MSANTD7: variants seen among roughly 807,000 people sequenced by gnomAD.
MSANTD7 encodes zinc finger and SCAN domain containing 29.
chr10:14,840,479 G>A, the MSANTD7 span, among the ~76,000 whole-genome samples: 1 of 152,142 alleles, frequency 6.6e-6, no homozygotes, highest in Admixed American at 6.5e-5. Context: ...GGAATTTGAA[G>A]ACTTATTGAC....
the MSANTD7 span, chr10:14,846,668 C>T: frequency 1.1e-6 from 1 of 941,998 alleles, no homozygotes; most frequent in Non-Finnish European, 1.3e-6. Flanking sequence ...ACCTACCTCA[C>T]AGGGGTGTTG....
the MSANTD7 span, chr10:14,841,379 A>G: frequency 1.3e-5 from 2 of 152,226 alleles, no homozygotes; most frequent in African/African-American, 4.8e-5. Flanking sequence ...AGCCAACAAT[A>G]TGATTTTTTT....
chr10:14,843,048 GA>G, the MSANTD7 span, among the ~76,000 whole-genome samples: 1 of 152,180 alleles, frequency 6.6e-6, no homozygotes, highest in African/African-American at 2.4e-5. Flanking sequence ...TAAGGTATTA[GA>G]ACCCTTTAAA....
the MSANTD7 span, chr10:14,839,999 C>G: frequency 6.3e-7 from 1 of 1,583,894 alleles, no homozygotes; most frequent in Non-Finnish European, 8.6e-7. Flanking sequence ...CTAGTCCCCC[C>G]ATTTTTGTAC....
chr10:14,839,816 C>A, the MSANTD7 span: 490 of 866,798 alleles, frequency 5.7e-4, 1 homozygote, highest in African/African-American at 7.7e-3. Flanking sequence ...GTTTTTCTTT[C>A]CACACAGATG....
the MSANTD7 span, chr10:14,846,654 T>G: frequency 1.1e-6 from 1 of 942,266 alleles, no homozygotes; most frequent in Non-Finnish European, 1.3e-6. Flanking sequence ...CTCATAATTG[T>G]CCTACCTACC....
chr10:14,841,990 C>A, the MSANTD7 span: 1 of 529,240 alleles, frequency 1.9e-6, no homozygotes, highest in Non-Finnish European at 3.5e-6. Flanking sequence ...GCCGTGTCTA[C>A]CCTGGGTGAA....
chr10:14,838,767 T>C, the MSANTD7 span, among the ~76,000 whole-genome samples: 1 of 150,752 alleles, frequency 6.6e-6, no homozygotes, highest in Non-Finnish European at 1.5e-5. Flanking sequence ...CCCGGGGGGG[T>C]CCCGGAGACA....
the MSANTD7 span, chr10:14,844,069 T>C: frequency 1.2e-5 from 17 of 1,428,594 alleles, no homozygotes; most frequent in Non-Finnish European, 1.4e-5. Context: ...CTCCACCAAA[T>C]GGAAGACCTT....
chr10:14,845,453 A>C, the MSANTD7 span: 1 of 985,282 alleles, frequency 1.0e-6, no homozygotes, highest in Non-Finnish European at 1.2e-6. Flanking sequence ...GTAGACGGCA[A>C]GCGAGCTGCT....
the MSANTD7 span, among the ~76,000 whole-genome samples, chr10:14,839,342 G>C: frequency 6.6e-6 from 1 of 152,246 alleles, no homozygotes; most frequent in African/African-American, 2.4e-5. Flanking sequence ...GGGAAGCCGA[G>C]GCAGGCGGAT....
the MSANTD7 span, chr10:14,838,333 C>A: frequency 6.8e-7 from 1 of 1,471,614 alleles, no homozygotes; most frequent in Non-Finnish European, 9.2e-7. Context: ...CTGATGGGGC[C>A]GTTGGGCGGC....
chr10:14,841,770 G>C, the MSANTD7 span, among the ~76,000 whole-genome samples: 1 of 152,264 alleles, frequency 6.6e-6, no homozygotes, highest in African/African-American at 2.4e-5. Flanking sequence ...ACAGCGTGCT[G>C]TGATTAGTAA....
chr10:14,838,664 G>A, the MSANTD7 span: 2 of 529,952 alleles, frequency 3.8e-6, no homozygotes, highest in Non-Finnish European at 6.6e-6. Flanking sequence ...ACTCCGCGGC[G>A]GAGGCTCGCG....
the MSANTD7 span, chr10:14,839,838 C>T: frequency 1.7e-6 from 2 of 1,148,226 alleles, no homozygotes; most frequent in Non-Finnish European, 2.5e-6. Flanking sequence ...CAAAGTAACA[C>T]TGGTGCACAA....
chr10:14,842,325 G>T, the MSANTD7 span: 1 of 1,536,046 alleles, frequency 6.5e-7, no homozygotes, highest in Non-Finnish European at 8.7e-7. The surrounding 1 kb of genome is among the most constrained non-coding windows in gnomAD (Gnocchi z 5.2). Flanking sequence ...CGGTGGTCCA[G>T]ACAGGAGACA....
the MSANTD7 span, chr10:14,846,227 G>A: frequency 1.0e-6 from 1 of 975,612 alleles, no homozygotes; most frequent in Non-Finnish European, 1.2e-6. Context: ...TCAATTATAG[G>A]TAGGTAGGTA....
At chr10:14,838,312 C>T in the MSANTD7 span, 1 of 1,321,314 alleles carries the variant, frequency 7.6e-7, no homozygotes, top group South Asian at 1.3e-5. Flanking sequence ...GAACGTGAAG[C>T]TCCGCGGTGC....
chr10:14,844,023 G>T, the MSANTD7 span: 1 of 1,445,414 alleles, frequency 6.9e-7, no homozygotes, highest in East Asian at 2.5e-5. Flanking sequence ...TATCCAGATA[G>T]TATGAAAATA....
Sources: allele counts gnomAD v4.1 joint callset (sites outside exome capture counted in the v4.1 genomes callset), GRCh38; gene constraint gnomAD v4.1.1; non-coding constraint Gnocchi (gnomAD v3.1); transcripts MANE v1.5; gene names NCBI Gene and HGNC (gene_info 2026-07-23, HGNC 2026-07-21).